Variants in GARIN5B observed in about 807,000 individuals in gnomAD.
GARIN5B encodes golgi associated RAB2 interactor family member 5B, also known as Golgi-associated RAB2 interactor protein 5B.
At chr19:55,359,707 A>G in the GARIN5B span, 1 of 1,551,444 alleles carries the variant, frequency 6.4e-7, no homozygotes, top group South Asian at 1.2e-5. Flanking sequence ...GGGAGCCCAT[A>G]GGCCCGGCCT....
the GARIN5B span, chr19:55,362,448 G>T: frequency 1.7e-5 from 26 of 1,550,156 alleles, no homozygotes; most frequent in Non-Finnish European, 2.3e-5. Context: ...CGCAGCTTCA[G>T]GCGCCAGGCA....
the GARIN5B span, chr19:55,358,391 TC>T: frequency 6.6e-7 from 1 of 1,507,314 alleles, no homozygotes; most frequent in Non-Finnish European, 8.9e-7. Context: ...TGGCCGTAAG[TC>T]CTCCCACGGT....
the GARIN5B span, chr19:55,359,076 C>G: frequency 1.9e-6 from 3 of 1,551,372 alleles, no homozygotes; most frequent in Non-Finnish European, 2.6e-6. Flanking sequence ...TCCACCACGT[C>G]TGTCTCCTGG....
the GARIN5B span, chr19:55,361,479 T>A: frequency 2.5e-5 from 37 of 1,457,078 alleles, no homozygotes; most frequent in Non-Finnish European, 3.3e-5. Context: ...CTTCCACATC[T>A]CCATAACCTA....
At chr19:55,361,006 TCTGCAGGTTTCTTC>T in the GARIN5B span, 1 of 1,550,980 alleles carries the variant, frequency 6.4e-7, no homozygotes, top group Non-Finnish European at 8.7e-7. Flanking sequence ...CCACTTCTTT[TCTGCAGGTTTCTTC>T]CTGACGTCAG....
At chr19:55,360,426 C>T in the GARIN5B span, among the ~76,000 whole-genome samples, 1 of 149,660 alleles carries the variant, frequency 6.7e-6, no homozygotes, top group Non-Finnish European at 1.5e-5. Flanking sequence ...CCAGCTCCTC[C>T]TCCCTCAGAC....
At chr19:55,362,035 C>T in the GARIN5B span, among the ~76,000 whole-genome samples, 1 of 149,262 alleles carries the variant, frequency 6.7e-6, no homozygotes, top group Non-Finnish European at 1.5e-5. Context: ...GGGTCCAGGC[C>T]CCCAGCTCCT....
the GARIN5B span, chr19:55,360,745 G>A: frequency 5.0e-5 from 77 of 1,551,774 alleles, 1 homozygote; most frequent in South Asian, 8.1e-4. Flanking sequence ...GCTGAAGATG[G>A]TCCAGGTGGT....
chr19:55,360,604 C>T, the GARIN5B span: 17 of 1,448,672 alleles, frequency 1.2e-5, no homozygotes, highest in Admixed American at 4.7e-5. Context: ...AGGTCCCAGC[C>T]TCTCCTCCCT....
the GARIN5B span, chr19:55,359,980 C>T: frequency 6.5e-7 from 1 of 1,542,456 alleles, no homozygotes; most frequent in Non-Finnish European, 8.8e-7. Flanking sequence ...ATGTGCAGGC[C>T]TGTAGGTGGA....
the GARIN5B span, among the ~76,000 whole-genome samples, chr19:55,357,290 T>A: frequency 6.6e-6 from 1 of 152,100 alleles, no homozygotes; most frequent in Non-Finnish European, 1.5e-5. Context: ...CACACATAAA[T>A]CCGTCTCCAT....
chr19:55,355,579 TGGAATCTG>T, the GARIN5B span, among the ~76,000 whole-genome samples: 1 of 152,152 alleles, frequency 6.6e-6, no homozygotes, highest in African/African-American at 2.4e-5. Flanking sequence ...GACAAGTAAC[TGGAATCTG>T]GGCAGGTGGT....
chr19:55,356,407 CTG>C, the GARIN5B span, among the ~76,000 whole-genome samples: 1 of 151,794 alleles, frequency 6.6e-6, no homozygotes, highest in African/African-American at 2.4e-5. Context: ...GAGTCTCGCT[CTG>C]TTGCCCAGGC....
At chr19:55,359,979 C>T in the GARIN5B span, 48 of 1,542,502 alleles carry the variant, frequency 3.1e-5, no homozygotes, top group Middle Eastern at 1.1e-3. Flanking sequence ...GATGTGCAGG[C>T]CTGTAGGTGG....
the GARIN5B span, chr19:55,362,401 G>A: frequency 2.6e-4 from 401 of 1,550,662 alleles, no homozygotes; most frequent in Non-Finnish European, 3.3e-4. Flanking sequence ...TGTCAGGGGC[G>A]TCCAGGGCCA....
At chr19:55,356,886 A>G in the GARIN5B span, among the ~76,000 whole-genome samples, 2 of 152,174 alleles carry the variant, frequency 1.3e-5, no homozygotes, top group East Asian at 3.9e-4. Flanking sequence ...CTCCGTCTCC[A>G]CTAAAAATAC....
chr19:55,355,254 G>C, the GARIN5B span: 4 of 1,485,196 alleles, frequency 2.7e-6, 1 homozygote, highest in Admixed American at 2.0e-5. Flanking sequence ...GGGTCTTAAA[G>C]GGTACCTGGC....
chr19:55,361,058 G>A, the GARIN5B span: 56 of 1,550,922 alleles, frequency 3.6e-5, no homozygotes, highest in African/African-American at 7.1e-4. Flanking sequence ...CAGATGAGGG[G>A]CACAGAGTCG....
the GARIN5B span, among the ~76,000 whole-genome samples, chr19:55,356,271 C>T: frequency 6.6e-6 from 1 of 152,124 alleles, no homozygotes; most frequent in Admixed American, 6.5e-5. Context: ...AGTGCAGTGG[C>T]ACGATGGTGG....
Sources: gnomAD v4.1 joint callset for allele counts (sites outside exome capture counted in the v4.1 genomes callset) on GRCh38, gnomAD v4.1.1 for gene constraint, MANE v1.5 for transcripts, NCBI Gene and HGNC (gene_info 2026-07-23, HGNC 2026-07-21) for gene names.